ARHGAP44: variants seen among roughly 807,000 people sequenced by gnomAD.
ARHGAP44 encodes rho GTPase-activating protein 44.
A neutral mutation model predicts 106.8 loss-of-function variants in ARHGAP44; 43 were observed. The ratio of observed to expected loss-of-function variants is 0.40; its 90% CI spans 0.32 to 0.52. The LOEUF is 0.52. Ranked by LOEUF, ARHGAP44 falls within the 20% of genes least tolerant of loss-of-function variation. The pLI is 0.48. For missense variants in ARHGAP44, 866 were observed against 1,050.5 expected, an observed-to-expected ratio of 0.82 and a Z score of 2.43; for synonymous variants, 439 against 410.3, an observed-to-expected ratio of 1.07 and a Z score of -0.85.
chr17:12,798,972 T>C (rs2034007056), intron 1 of ARHGAP44, among the ~76,000 whole-genome samples: 1 of 152,224 alleles, frequency 6.6e-6, no homozygotes, highest in Non-Finnish European at 1.5e-5. Flanking sequence ...GATTTTAAAA[T>C]TTAATAGAAA....
intron 1 of ARHGAP44, among the ~76,000 whole-genome samples, chr17:12,868,591 T>TTATATATATATATATATA (rs1209692482): frequency 4.5e-4 from 21 of 47,134 alleles, no homozygotes; most frequent in South Asian, 9.0e-4. Flanking sequence ...TATATGCATT[T>TTATATATATATATATATA]TATATATATA....
At chr17:12,968,931 G>A (rs780068093) in intron 16 of ARHGAP44, among the ~76,000 whole-genome samples, 4 of 151,762 alleles carry the variant, frequency 2.6e-5, no homozygotes, top group Non-Finnish European at 5.9e-5. Flanking sequence ...CACCACGCCC[G>A]GCTAATTGTT....
chr17:12,827,808 A>G (rs1160012684), intron 1 of ARHGAP44, among the ~76,000 whole-genome samples: 3 of 152,004 alleles, frequency 2.0e-5, no homozygotes, highest in East Asian at 3.9e-4. Context: ...TACTGCCAAG[A>G]TGGGTGGATC....
chr17:12,832,949 A>G (rs938280486), intron 1 of ARHGAP44, among the ~76,000 whole-genome samples: 4 of 152,224 alleles, frequency 2.6e-5, no homozygotes, highest in African/African-American at 9.6e-5. Flanking sequence ...CCAACCTGGC[A>G]TGGCCTAACC....
chr17:12,856,008 G>C (rs1189840306), intron 1 of ARHGAP44, among the ~76,000 whole-genome samples: 1 of 152,184 alleles, frequency 6.6e-6, no homozygotes, highest in African/African-American at 2.4e-5. Context: ...CTTCTTAAAA[G>C]GACTCAGCAG....
At chr17:12,980,711 A>C (rs2039809492) in intron 19 of ARHGAP44, among the ~76,000 whole-genome samples, 1 of 152,210 alleles carries the variant, frequency 6.6e-6, no homozygotes, top group East Asian at 1.9e-4. Context: ...AAGAATGGCC[A>C]CACTGACCAG....
At chr17:12,938,684 A>G (rs1286362571) in intron 7 of ARHGAP44, among the ~76,000 whole-genome samples, 1 of 152,094 alleles carries the variant, frequency 6.6e-6, no homozygotes, top group Non-Finnish European at 1.5e-5. Context: ...ATCAGAAAAC[A>G]GGATTTTTCA....
chr17:12,925,417 T>C (rs556496212), intron 6 of ARHGAP44, among the ~76,000 whole-genome samples: 2 of 152,176 alleles, frequency 1.3e-5, no homozygotes, highest in Non-Finnish European at 2.9e-5. Context: ...GGGATGCCCA[T>C]GGCAGAGGAA....
chr17:12,943,540 G>T, intron 8 of ARHGAP44, 48 bp from the exon 9 acceptor site: 1 of 1,585,296 alleles, frequency 6.3e-7, no homozygotes, highest in Non-Finnish European at 8.7e-7. Flanking sequence ...ATGGCAGCCT[G>T]TGTCCTTGCC....
intron 16 of ARHGAP44, among the ~76,000 whole-genome samples, chr17:12,970,287 A>G (rs1598139792): frequency 6.7e-6 from 1 of 149,154 alleles, no homozygotes; most frequent in African/African-American, 2.5e-5. Flanking sequence ...GATCACTTGA[A>G]CCCGAGAAGT....
intron 5 of ARHGAP44, among the ~76,000 whole-genome samples, chr17:12,916,244 G>A (rs1349262475): frequency 6.6e-6 from 1 of 152,080 alleles, no homozygotes; most frequent in Non-Finnish European, 1.5e-5. Context: ...CTAGAAGTAA[G>A]GTGGAAAGCT....
At chr17:12,938,508 A>G (rs1359017896) in intron 7 of ARHGAP44, among the ~76,000 whole-genome samples, 4 of 151,814 alleles carry the variant, frequency 2.6e-5, no homozygotes. Context: ...CATCTGATAA[A>G]TAAGACATTT....
intron 1 of ARHGAP44, among the ~76,000 whole-genome samples, chr17:12,891,000 A>T (rs902300235): frequency 2.0e-5 from 3 of 152,256 alleles, no homozygotes; most frequent in Admixed American, 1.3e-4. Context: ...TTCTAATAAG[A>T]TATTTTTCAT....
intron 1 of ARHGAP44, among the ~76,000 whole-genome samples, chr17:12,860,897 T>G (rs2036053131): frequency 1.3e-5 from 2 of 150,380 alleles, no homozygotes; most frequent in Admixed American, 1.3e-4. Flanking sequence ...GGTCTTGCTC[T>G]GTCACTCTTG....
chr17:12,920,146 C>T (rs569285186), intron 6 of ARHGAP44, among the ~76,000 whole-genome samples: 10 of 152,012 alleles, frequency 6.6e-5, no homozygotes, highest in Non-Finnish European at 1.2e-4. Context: ...GAGGCCAAGG[C>T]GGGCGGATCA....
chr17:12,799,254 G>C (rs989881164), intron 1 of ARHGAP44, among the ~76,000 whole-genome samples: 3 of 152,186 alleles, frequency 2.0e-5, no homozygotes, highest in Non-Finnish European at 4.4e-5. Context: ...TGTTAGGATA[G>C]GTTAAGCTCT....
At chr17:12,877,697 C>T (rs2036599005) in intron 1 of ARHGAP44, among the ~76,000 whole-genome samples, 1 of 151,936 alleles carries the variant, frequency 6.6e-6, no homozygotes. Context: ...TTGCCGTGAG[C>T]CGAGATCGCG....
chr17:12,949,370 T>C lies in ARHGAP44; in HGVS notation c.973+119T>C, dbSNP rs967175488. 8.9e-7 allele frequency: 1 copy of C among 1,119,712 alleles called. No homozygotes were observed. Among genetic ancestry groups the C allele is most frequent in the African/African-American group, 1.5e-5 (1 of 64,794 alleles). 69.4% of individuals were successfully genotyped at this position (1,119,712 alleles called of 1,614,324 possible). A position where few individuals can be genotyped will look rare whatever the true frequency, so the allele number is the denominator to read the frequency against. On this transcript the variant is annotated intron_variant, in intron 11 of 20. Transcript: ENST00000379672. This position sits in a 1 kb window ranked among gnomAD's most constrained non-coding sequence, Gnocchi z 4.1. ...CAGTGGCTGCCCAAAGCACTTCAGA[T>C]GTGTCCACTCAGTGCCCAGTTTCAG...
chr17:12,899,815 G>C (rs1292677261), intron 3 of ARHGAP44, among the ~76,000 whole-genome samples: 1 of 152,202 alleles, frequency 6.6e-6, no homozygotes, highest in Non-Finnish European at 1.5e-5. Flanking sequence ...GTTGCTACTT[G>C]AGCACATGTA....
Sources: allele counts gnomAD v4.1 joint callset (sites outside exome capture counted in the v4.1 genomes callset), GRCh38; gene constraint gnomAD v4.1.1; non-coding constraint Gnocchi (gnomAD v3.1); transcripts MANE v1.5; gene names NCBI Gene and HGNC (gene_info 2026-07-23, HGNC 2026-07-21).